Variants in SLIT2 observed in about 807,000 individuals in gnomAD.
The protein encoded by SLIT2 is slit homolog 2 protein.
A neutral mutation model predicts 185.7 loss-of-function variants in SLIT2; 41 were observed. The observed-to-expected ratio is 0.22, with a 90% CI of 0.17 to 0.29. SLIT2 has a LOEUF of 0.29. Ranked by LOEUF, SLIT2 falls within the 10% of genes least tolerant of loss-of-function variation. SLIT2 has a pLI of 1.00. For synonymous variants in SLIT2, 693 were observed against 680.2 expected, an observed-to-expected ratio of 1.02 and a Z score of -0.29; for missense variants, 1,571 against 1,909.0, an observed-to-expected ratio of 0.82 and a Z score of 3.30.
intron 5 of SLIT2, among the ~76,000 whole-genome samples, chr4:20,477,539 G>A (rs1716255144): frequency 1.3e-5 from 2 of 152,138 alleles, no homozygotes; most frequent in Admixed American, 1.3e-4. Context: ...ATTTCCGTGA[G>A]ATTAAAGCAG....
chr4:20,267,270 C>T (rs1232823630), intron 3 of SLIT2, among the ~76,000 whole-genome samples: 1 of 151,892 alleles, frequency 6.6e-6, no homozygotes, highest in Admixed American at 6.6e-5. Context: ...TAAATTTTAC[C>T]TTGTTATGTG....
chr4:20,499,512 CA>C (rs925305142), intron 9 of SLIT2, among the ~76,000 whole-genome samples: 3 of 152,030 alleles, frequency 2.0e-5, no homozygotes, highest in African/African-American at 7.2e-5. Flanking sequence ...GTTTTTGAGA[CA>C]GAGTCTCGCT....
At chr4:20,489,058 T>C in intron 8 of SLIT2, 76 bp downstream of exon 8, 1 of 1,200,058 alleles carries the variant, frequency 8.3e-7, no homozygotes, top group Non-Finnish European at 1.2e-6. Flanking sequence ...GCTGCATGCG[T>C]CAAAGGTTTC....
intron 4 of SLIT2, among the ~76,000 whole-genome samples, chr4:20,345,505 T>C (rs1721313053): frequency 6.6e-6 from 1 of 151,468 alleles, no homozygotes. Flanking sequence ...TTTTTTTCCT[T>C]TTTTCTTTTT....
intron 4 of SLIT2, among the ~76,000 whole-genome samples, chr4:20,418,824 G>T (rs1170098506): frequency 1.3e-5 from 2 of 152,018 alleles, no homozygotes; most frequent in East Asian, 1.9e-4. Context: ...ATACACAAAT[G>T]ATATCAAATT....
intron 4 of SLIT2, among the ~76,000 whole-genome samples, chr4:20,353,587 G>T (rs572363876): frequency 1.3e-5 from 2 of 152,006 alleles, no homozygotes; most frequent in African/African-American, 4.8e-5. Context: ...TTATTACACC[G>T]TATTCAAAAT....
intron 29 of SLIT2, among the ~76,000 whole-genome samples, chr4:20,579,202 A>G (rs1332236551): frequency 6.6e-6 from 1 of 151,650 alleles, no homozygotes; most frequent in Non-Finnish European, 1.5e-5. Flanking sequence ...CAGGAGGCTG[A>G]GGCAGGAGAT....
chr4:20,313,863 T>A (rs1190913164), intron 4 of SLIT2, among the ~76,000 whole-genome samples: 1 of 152,098 alleles, frequency 6.6e-6, no homozygotes, highest in Non-Finnish European at 1.5e-5. Context: ...GCTGCTCACC[T>A]CCTCCTGGGC....
intron 4 of SLIT2, among the ~76,000 whole-genome samples, chr4:20,362,925 A>C (rs992568842): frequency 2.1e-5 from 3 of 144,470 alleles, no homozygotes; most frequent in African/African-American, 7.4e-5. Context: ...AGAGGAATGA[A>C]ATTTTTTTTT....
At chr4:20,428,966 C>T (rs143828721) in intron 4 of SLIT2, among the ~76,000 whole-genome samples, 1 of 152,322 alleles carries the variant, frequency 6.6e-6, no homozygotes, top group East Asian at 1.9e-4. Context: ...AATGACATCA[C>T]TTTTCCTCCA....
intron 3 of SLIT2, among the ~76,000 whole-genome samples, chr4:20,267,181 A>G (rs1713119053): frequency 6.6e-6 from 1 of 152,012 alleles, no homozygotes; most frequent in South Asian, 2.1e-4. Context: ...AAATTGTATA[A>G]TGCTAGACTC....
intron 30 of SLIT2, among the ~76,000 whole-genome samples, chr4:20,591,533 C>G (rs957081437): frequency 6.6e-6 from 1 of 152,004 alleles, no homozygotes; most frequent in Admixed American, 6.6e-5. Flanking sequence ...AAATTTGATT[C>G]TATTTTGCAT....
intron 21 of SLIT2, among the ~76,000 whole-genome samples, chr4:20,544,070 T>A (rs1340084742): frequency 2.6e-5 from 4 of 151,990 alleles, no homozygotes; most frequent in Non-Finnish European, 5.9e-5. Flanking sequence ...AAATACCTAA[T>A]GTAAATGGCA....
At chr4:20,544,417 T>C (rs938308133) in intron 21 of SLIT2, among the ~76,000 whole-genome samples, 1 of 152,160 alleles carries the variant, frequency 6.6e-6, no homozygotes, top group Non-Finnish European at 1.5e-5. Context: ...GTGCATACCC[T>C]GTGCTATCTA....
intron 9 of SLIT2, among the ~76,000 whole-genome samples, chr4:20,509,076 A>C (rs917543309): frequency 2.0e-5 from 3 of 151,930 alleles, no homozygotes; most frequent in African/African-American, 7.2e-5. Context: ...TTCAATAAAA[A>C]TGAATTAATG....
chr4:20,364,139 G>C lies in SLIT2; in HGVS notation c.395+95258G>C, dbSNP rs1722939408. 1.5e-5 allele frequency: 5 copies of C among 329,182 alleles called. 1 individual carries two copies. In the South Asian group the frequency reaches 6.0e-4, roughly 40 times the overall value. 20.4% of individuals were successfully genotyped at this position (329,182 alleles called of 1,614,324 possible). A position where few individuals can be genotyped will look rare whatever the true frequency, so the allele number is the denominator to read the frequency against. On this transcript the variant is annotated intron_variant, in intron 4 of 36. Transcript: ENST00000504154. ...CAGAGTATTATGCCTGCCAGCTTGT[G>C]TGCAAATGATTTATTCTGAAAAGCA...
At chr4:20,267,997 A>G (rs939896645) in intron 3 of SLIT2, among the ~76,000 whole-genome samples, 1 of 151,918 alleles carries the variant, frequency 6.6e-6, no homozygotes. Context: ...CAGTTATTTT[A>G]AATTAAATGT....
chr4:20,306,506 G>A (rs1222175434), intron 4 of SLIT2, among the ~76,000 whole-genome samples: 2 of 152,060 alleles, frequency 1.3e-5, no homozygotes, highest in African/African-American at 4.8e-5. Context: ...ATCCTAAAAT[G>A]TAGGGTAGAG....
At chr4:20,567,475 C>T in intron 27 of SLIT2, 43 bp from the exon 28 acceptor site, 4 of 1,608,790 alleles carry the variant, frequency 2.5e-6, no homozygotes, top group Non-Finnish European at 2.6e-6. Context: ...CTGTATGTGC[C>T]AAGAACTACT....
Sources: allele counts gnomAD v4.1 joint callset (sites outside exome capture counted in the v4.1 genomes callset), GRCh38; gene constraint gnomAD v4.1.1; transcripts MANE v1.5; gene names NCBI Gene and HGNC (gene_info 2026-07-23, HGNC 2026-07-21).